Variants in LAIR1 observed in about 807,000 individuals in gnomAD.
The protein encoded by LAIR1 is leukocyte-associated immunoglobulin-like receptor 1.
A neutral mutation model predicts 32.8 loss-of-function variants in LAIR1; 24 were observed. That is an observed-to-expected ratio of 0.73 (90% CI 0.53 to 1.03). The LOEUF is 1.03. Ranked by LOEUF, LAIR1 falls within the 50% of genes least tolerant of loss-of-function variation. The pLI is 0.00. For synonymous variants in LAIR1, 150 were observed against 140.5 expected (o/e 1.07, Z -0.48); for missense variants, 355 against 347.5 (o/e 1.02, Z -0.17).
rs763974210 is a variant in LAIR1, at chr19:54,356,531, CAGG to C, written c.540_542del (p.Leu181del). Reference sequence around the variant, plus strand: ...TCTGGCGATGGAGGCAGAAGAGGACCAGGAGGAGGAGACAGAAGAGGAAGACCA... The same window carrying C: ...TCTGGCGATGGAGGCAGAAGAGGACCAGGAGGAGACAGAAGAGGAAGACCA... On this transcript the variant is annotated inframe_deletion, in exon 6 of 10. Coordinates refer to ENST00000391742, the MANE Select transcript of LAIR1 (RefSeq NM_002287.6). 68 of 1,613,742 alleles carry C rather than the reference CAGG, an allele frequency of 4.2e-5. 2 individuals carry two copies. Among genetic ancestry groups the C allele is most frequent in the South Asian group, 4.0e-4 (36 of 91,044 alleles).
At chr19:54,370,560 G>C, upstream of LAIR1, 1 of 353,432 alleles carries the variant, frequency 2.8e-6, no homozygotes, top group Non-Finnish European at 5.1e-6. Context: ...GCTATACCAG[G>C]GTCAGGAACG....
upstream of LAIR1, among the ~76,000 whole-genome samples, chr19:54,365,658 G>A (rs188465604): frequency 6.6e-6 from 1 of 152,100 alleles, no homozygotes; most frequent in East Asian, 1.9e-4. Context: ...TGGGTGTGGT[G>A]GTGGGCACAG....
chr19:54,356,446 T>C (rs2081712366), intron 6 of LAIR1, 45 bp downstream of exon 6: 5 of 1,612,078 alleles, frequency 3.1e-6, no homozygotes, highest in Non-Finnish European at 4.2e-6. Flanking sequence ...TCCTAGCCTC[T>C]CCTGACAGCT....
rs983667885 is a variant in LAIR1, at chr19:54,355,197, C to T, written c.*71G>A. 1.5e-5 allele frequency: 21 copies of T among 1,411,924 alleles called. No homozygotes were observed. In the East Asian group the frequency reaches 4.9e-4, roughly 33 times the overall value. 87.5% of individuals were successfully genotyped at this position (1,411,924 alleles called of 1,614,324 possible). On this transcript the variant is annotated 3_prime_UTR_variant, in exon 10 of 10. Transcript: ENST00000391742. This position sits in a 1 kb window ranked among gnomAD's most constrained non-coding sequence, Gnocchi z 4.7. ...AAGAGGAATCCAACAGGAAGCCTTC[C>T]AAATGGCTGCTTCAGGCTTTTCCTA...
chr19:54,366,342 G>A (rs578075762), upstream of LAIR1, among the ~76,000 whole-genome samples: 76 of 152,290 alleles, frequency 5.0e-4, no homozygotes, highest in African/African-American at 1.6e-3. Flanking sequence ...TGTGAACAGC[G>A]AAGTCCAGGC....
At chr19:54,362,384 A>T (rs1270198133) in intron 2 of LAIR1, among the ~76,000 whole-genome samples, 1 of 152,136 alleles carries the variant, frequency 6.6e-6, no homozygotes, top group Non-Finnish European at 1.5e-5. Context: ...GACGTTTTTC[A>T]TGGGCTGCTA....
In LAIR1 at chr19:54,364,901, GC is replaced by G; in HGVS notation, c.-98del. 2 of 1,607,030 alleles carry G rather than the reference GC, an allele frequency of 1.2e-6. No individual in the cohort carries two copies. Among genetic ancestry groups the G allele is most frequent in the Admixed American group, 3.4e-5 (2 of 58,780 alleles). On this transcript the variant is annotated 5_prime_UTR_variant, in exon 1 of 10. Transcript: ENST00000391742. This position sits in a 1 kb window ranked among gnomAD's most constrained non-coding sequence, Gnocchi z 4.8. ...AGCAGACAGGATGTGCTGCCCGGGGGCCTCCTGCCTATGGGGCTTCCACAGC... is the reference window on the plus strand; with the variant it reads ...AGCAGACAGGATGTGCTGCCCGGGGGCTCCTGCCTATGGGGCTTCCACAGC...
At chr19:54,365,145 C>G (rs28366059), upstream of LAIR1, 63 of 943,094 alleles carry the variant, frequency 6.7e-5, no homozygotes, top group Non-Finnish European at 8.3e-5. Context: ...ACTTGGACGC[C>G]GTCCCAACTC....
chr19:54,366,645 C>G (rs1181583355), upstream of LAIR1, among the ~76,000 whole-genome samples: 1 of 152,100 alleles, frequency 6.6e-6, no homozygotes, highest in Non-Finnish European at 1.5e-5. Flanking sequence ...CCCACCACCA[C>G]GCCCGGCTAA....
upstream of LAIR1, chr19:54,364,981 A>G (rs1163762703): frequency 4.0e-6 from 6 of 1,484,586 alleles, no homozygotes; most frequent in Non-Finnish European, 4.5e-6. This position sits in a 1 kb window ranked among gnomAD's most constrained non-coding sequence, Gnocchi z 4.8. Context: ...CACCCTTCCC[A>G]CTAGTGAGAC....
chr19:54,362,830 A>C lies in LAIR1; in HGVS notation c.70+1465T>G, dbSNP rs151312888. Among the ~76,000 whole-genome samples, 1,132 of 152,252 alleles carry C rather than the reference A, an allele frequency of 7.4e-3. 4 individuals are homozygous for C. Among genetic ancestry groups the C allele is most frequent in the Middle Eastern group, 0.02 (6 of 294 alleles). ...TGAATTATTTTTTTTCAAAATCAGC[A>C]TGTGAGAAGAACCACCATATTGAGC... On this transcript the variant is annotated intron_variant, in intron 2 of 9. Coordinates refer to ENST00000391742, the MANE Select transcript of LAIR1 (RefSeq NM_002287.6).
upstream of LAIR1, among the ~76,000 whole-genome samples, chr19:54,367,762 T>C (rs2122627350): frequency 7.3e-6 from 1 of 136,734 alleles, no homozygotes; most frequent in East Asian, 2.4e-4. Context: ...TATATATTTT[T>C]TTTAATTTTT....
rs139663742 is a variant in LAIR1 at position 54,356,911 on chromosome 19, C to A, written c.454+17G>T. 8 of 1,613,660 alleles carry A rather than the reference C, an allele frequency of 5.0e-6. No individual in the cohort carries two copies. The Admixed American group carries it at 1.3e-4, about 27-fold the overall frequency. On this transcript the variant is annotated intron_variant, in intron 5 of 9. Coordinates refer to ENST00000391742, the MANE Select transcript of LAIR1 (RefSeq NM_002287.6). ...AGGCACACACCAGCTTCATGCTCCA[C>A]GGCCCCCATCACTCACGCTCATTGT...
chr19:54,358,177 T>A (rs1195500750), intron 4 of LAIR1: 3 of 146,538 alleles, frequency 2.0e-5, no homozygotes, highest in African/African-American at 7.5e-5. Context: ...AAATATAAAA[T>A]ATTTTTTCTA....
At chr19:54,365,244 C>T (rs2082215471), upstream of LAIR1, 1 of 203,986 alleles carries the variant, frequency 4.9e-6, no homozygotes, top group Non-Finnish European at 9.5e-6. Flanking sequence ...CCATAGAAAT[C>T]CTTCCCCAAG....
At chr19:54,359,444 C>A (rs1485913264) in intron 4 of LAIR1, among the ~76,000 whole-genome samples, 1 of 151,882 alleles carries the variant, frequency 6.6e-6, no homozygotes, top group East Asian at 2.0e-4. Context: ...CCCTGTGGAG[C>A]CCTCCTCCTC....
intron 2 of LAIR1, among the ~76,000 whole-genome samples, chr19:54,363,633 T>A (rs1448855502): frequency 6.6e-6 from 1 of 152,210 alleles, no homozygotes; most frequent in Non-Finnish European, 1.5e-5. Context: ...AGGAAGGACA[T>A]TCTGTCATTC....
intron 2 of LAIR1, among the ~76,000 whole-genome samples, chr19:54,363,369 G>A (rs193094451): frequency 1.4e-4 from 22 of 151,972 alleles, no homozygotes; most frequent in Admixed American, 6.6e-4. Context: ...TGACTGTCAT[G>A]TTCCCCGCCA....
intron 2 of LAIR1, among the ~76,000 whole-genome samples, chr19:54,363,466 A>C (rs954222555): frequency 2.6e-5 from 4 of 152,114 alleles, no homozygotes; most frequent in Non-Finnish European, 5.9e-5. Context: ...CTCATTGTGG[A>C]AATCGGTGTG....
Sources: allele counts gnomAD v4.1 joint callset (sites outside exome capture counted in the v4.1 genomes callset), GRCh38; gene constraint gnomAD v4.1.1; non-coding constraint Gnocchi (gnomAD v3.1); transcripts MANE v1.5; gene names NCBI Gene and HGNC (gene_info 2026-07-23, HGNC 2026-07-21).